SPRED2: variants seen among roughly 807,000 people sequenced by gnomAD.
SPRED2 encodes sprouty-related, EVH1 domain-containing protein 2.
SPRED2 carries 47 observed loss-of-function variants against 43.0 expected under a neutral mutation model. The ratio of observed to expected loss-of-function variants is 1.09; its 90% CI spans 0.87 to 1.40. SPRED2 has a LOEUF of 1.40. Among genes scored for constraint, SPRED2 ranks in the 40% most tolerant of loss-of-function variants. The pLI is 0.00. For synonymous variants in SPRED2, 225 were observed against 225.7 expected (o/e 1.00, Z 0.03); for missense variants, 561 against 586.4 (o/e 0.96, Z 0.45).
chr2:65,383,448 G>A (rs1572884387), intron 1 of SPRED2, among the ~76,000 whole-genome samples: 1 of 152,166 alleles, frequency 6.6e-6, no homozygotes, highest in South Asian at 2.1e-4. Context: ...ATTCAACAGG[G>A]AATTTAAAAT....
Position 65,339,733 on chromosome 2 carries a change from TAA to T in SPRED2, c.205-4962_205-4961del, listed in dbSNP as rs35323811. On this transcript the variant is annotated intron_variant, in intron 2 of 5. Coordinates refer to ENST00000356388, the MANE Select transcript of SPRED2 (RefSeq NM_181784.3). Reference sequence around the variant, plus strand: ...ATAAAATAAAATTAAAAAAAAATCCTAAAAAAAAAAAAAAGAAAGTGAAAGAT... The same window carrying T: ...ATAAAATAAAATTAAAAAAAAATCCTAAAAAAAAAAAAGAAAGTGAAAGAT... Among the ~76,000 whole-genome samples, 278 of 130,374 alleles carry T rather than the reference TAA, an allele frequency of 2.1e-3. 2 individuals are homozygous for T. The highest frequency in any genetic ancestry group is 5.5e-3 in the African/African-American group (202 of 36,700). 85.5% of individuals were successfully genotyped at this position (130,374 alleles called of 152,430 possible).
chr2:65,395,066 C>G (rs903296366), intron 1 of SPRED2, among the ~76,000 whole-genome samples: 3 of 152,056 alleles, frequency 2.0e-5, no homozygotes, highest in Non-Finnish European at 4.4e-5. Flanking sequence ...CTCCATCACC[C>G]AAGGTAACTC....
chr2:65,380,885 AGATT>A (rs1675357894), intron 1 of SPRED2, among the ~76,000 whole-genome samples: 3 of 152,252 alleles, frequency 2.0e-5, no homozygotes, highest in African/African-American at 7.2e-5. Context: ...CATGTTATAT[AGATT>A]ATGCTCCATC....
At chr2:65,341,915 T>C (rs1035096473) in intron 2 of SPRED2, among the ~76,000 whole-genome samples, 5 of 151,812 alleles carry the variant, frequency 3.3e-5, no homozygotes, top group African/African-American at 9.7e-5. Flanking sequence ...AATTTCTATA[T>C]ATATAAAAAT....
intron 1 of SPRED2, among the ~76,000 whole-genome samples, chr2:65,407,272 T>C (rs1452935775): frequency 1.4e-5 from 1 of 70,968 alleles, no homozygotes; most frequent in Non-Finnish European, 2.8e-5. Context: ...AAAAGTCCCA[T>C]GACAGAAGGA....
At chr2:65,336,009 G>C (rs1673956328) in intron 2 of SPRED2, among the ~76,000 whole-genome samples, 1 of 152,184 alleles carries the variant, frequency 6.6e-6, no homozygotes, top group Non-Finnish European at 1.5e-5. Context: ...TTAGTATACA[G>C]ATAAATTAGA....
chr2:65,339,386 A>G (rs1674110881), intron 2 of SPRED2, among the ~76,000 whole-genome samples: 1 of 151,644 alleles, frequency 6.6e-6, no homozygotes, highest in African/African-American at 2.4e-5. Flanking sequence ...TACCAAGAAA[A>G]ATTCTTCTGC....
chr2:65,357,201 G>T (rs990213359), intron 1 of SPRED2, among the ~76,000 whole-genome samples: 1 of 152,012 alleles, frequency 6.6e-6, no homozygotes, highest in East Asian at 1.9e-4. Flanking sequence ...TTTTTTCTAG[G>T]ATTCTGCCAC....
chr2:65,327,713 C>CTTTTTT (rs555549300), intron 4 of SPRED2, among the ~76,000 whole-genome samples: 43 of 74,454 alleles, frequency 5.8e-4, no homozygotes, highest in African/African-American at 7.7e-4. Flanking sequence ...TTCTTTCTTT[C>CTTTTTT]TTTTTTTTTT....
At chr2:65,348,808 C>G (rs1455707157) in intron 1 of SPRED2, among the ~76,000 whole-genome samples, 1 of 147,668 alleles carries the variant, frequency 6.8e-6, no homozygotes, top group Non-Finnish European at 1.5e-5. Flanking sequence ...AAAAAAAAAT[C>G]TATGGCTAAC....
intron 2 of SPRED2, 38 bp downstream of exon 2, chr2:65,344,681 T>A: frequency 6.2e-7 from 1 of 1,609,014 alleles, no homozygotes; most frequent in Non-Finnish European, 8.5e-7. Context: ...AAAGCAGTTG[T>A]TACTAATTTA....
chr2:65,322,285 TATATATATA>T lies in SPRED2; in HGVS notation c.439-5411_439-5403del, dbSNP rs1443504573. ...CTCTCTCTCTCTATATATATATATATATATATATATTTTTTTTTTTTTTTTTGAGACGGA... is the reference window on the plus strand; with the variant it reads ...CTCTCTCTCTCTATATATATATATATTTTTTTTTTTTTTTTTTGAGACGGA... On this transcript the variant is annotated intron_variant, in intron 4 of 5. Coordinates refer to ENST00000356388, the MANE Select transcript of SPRED2 (RefSeq NM_181784.3). 2.2e-4 allele frequency among the ~76,000 whole-genome samples: 23 copies of T among 106,888 alleles called. 1 individual carries two copies. The East Asian group carries it at 3.1e-3, about 14-fold the overall frequency. The allele number at this position is 106,888 out of a possible 152,430, so 70.1% of individuals were successfully genotyped here. A position where few individuals can be genotyped will look rare whatever the true frequency, so the allele number is the denominator to read the frequency against.
intron 1 of SPRED2, among the ~76,000 whole-genome samples, chr2:65,373,065 T>C (rs1675167073): frequency 6.6e-6 from 1 of 152,206 alleles, no homozygotes; most frequent in East Asian, 1.9e-4. Context: ...TTCTAAGAAC[T>C]TTCAACAATA....
rs1346906210 is a variant in SPRED2, at chr2:65,313,573, C to T, written c.1185G>A (p.Leu395=). ...CGCAGTGGTAGCAGGCCCGAAGGGG[C>T]AGGTAACAGCACATACAGGGGGCCA... ...SFLAPCMCCY[L]PLRACYHCGV... is the part of the protein sequence containing the mutation. Residue 395 remains leucine, a synonymous_variant, in exon 6 of 6, where the codon CTG becomes CTA. Transcript: ENST00000356388. 6.2e-7 allele frequency: 1 copy of T among 1,613,992 alleles called. No homozygotes were observed. The highest frequency in any genetic ancestry group is 1.3e-5 in the African/African-American group (1 of 74,922).
chr2:65,307,183 T>A (rs775838208), downstream of SPRED2, among the ~76,000 whole-genome samples: 25 of 152,284 alleles, frequency 1.6e-4, no homozygotes, highest in Admixed American at 3.3e-4. Context: ...TATTTTTATA[T>A]TATATGACAT....
chr2:65,410,579 G>A (rs1676132172), intron 1 of SPRED2, among the ~76,000 whole-genome samples: 1 of 152,076 alleles, frequency 6.6e-6, no homozygotes, highest in African/African-American at 2.4e-5. Flanking sequence ...CTAACATGGT[G>A]AGACCCCGTC....
chr2:65,390,349 G>A (rs1450834849), intron 1 of SPRED2, among the ~76,000 whole-genome samples: 1 of 152,236 alleles, frequency 6.6e-6, no homozygotes. Context: ...ACAGGTGGAA[G>A]ATGTTTCCTC....
At chr2:65,390,245 C>A (rs1428348383) in intron 1 of SPRED2, among the ~76,000 whole-genome samples, 1 of 152,224 alleles carries the variant, frequency 6.6e-6, no homozygotes, top group Non-Finnish European at 1.5e-5. Context: ...TGCACCCAGT[C>A]CTTTGCCACA....
chr2:65,427,506 G>A (rs776961485), intron 1 of SPRED2, among the ~76,000 whole-genome samples: 3 of 152,176 alleles, frequency 2.0e-5, no homozygotes, highest in Non-Finnish European at 4.4e-5. Flanking sequence ...AATACTCACT[G>A]TATCGGTTTA....
Sources: allele counts gnomAD v4.1 joint callset (sites outside exome capture counted in the v4.1 genomes callset), GRCh38; gene constraint gnomAD v4.1.1; transcripts MANE v1.5; gene names NCBI Gene and HGNC (gene_info 2026-07-23, HGNC 2026-07-21).